The following YEATS2 variants were observed in gnomAD, a reference collection of about 807,000 sequenced individuals.
YEATS2 encodes YEATS domain containing 2, also known as YEATS domain-containing protein 2.
In YEATS2, 77 loss-of-function variants were observed where a neutral mutation model predicts 163.2. That is an observed-to-expected ratio of 0.47 (90% CI 0.39 to 0.57). YEATS2 has a LOEUF of 0.57. YEATS2 is among the 20% of genes least tolerant of loss of function. The pLI is 0.00. For missense variants in YEATS2, 1,549 were observed against 1,729.8 expected, an observed-to-expected ratio of 0.90 and a Z score of 1.85; for synonymous variants, 631 against 645.1, an observed-to-expected ratio of 0.98 and a Z score of 0.33.
intron 15 of YEATS2, among the ~76,000 whole-genome samples, chr3:183,764,357 G>C (rs1389857186): frequency 3.2e-4 from 35 of 110,784 alleles, no homozygotes; most frequent in African/African-American, 1.2e-3. Flanking sequence ...GGCAACGAGT[G>C]AAACTCTGTT....
intron 8 of YEATS2, among the ~76,000 whole-genome samples, chr3:183,741,825 ATGT>A (rs1203451117): frequency 6.6e-6 from 1 of 152,078 alleles, no homozygotes; most frequent in Non-Finnish European, 1.5e-5. Flanking sequence ...AAGGAGATTA[ATGT>A]TGTATTCATG....
In YEATS2 at chr3:183,772,553, C is replaced by T; in HGVS notation, c.2196C>T (p.Ser732=). The change falls in exon 16 of 31, where the codon TCC becomes TCT. Residue 732 remains serine (S), a synonymous_variant. Coordinates refer to ENST00000305135, the MANE Select transcript of YEATS2 (RefSeq NM_018023.5). ...CCGCTGGTCCTCAGAAGAGTGGATC[C>T]CAGGGTTCAGGTAAAACGGATCATC... ...VTAAGPQKSG[S]QGSVMATLQL... 1 of 1,613,806 alleles carries T rather than the reference C, an allele frequency of 6.2e-7. No individual in the cohort carries two copies. Among genetic ancestry groups the T allele is most frequent in the Non-Finnish European group, 8.5e-7 (1 of 1,180,008 alleles).
chr3:183,701,389 A>AAT (rs1233053541), intron 1 of YEATS2, among the ~76,000 whole-genome samples: 1 of 150,460 alleles, frequency 6.6e-6, no homozygotes, highest in Non-Finnish European at 1.5e-5. Flanking sequence ...CCGGCCGGTC[A>AAT]ATATATATAT....
chr3:183,700,306 T>G (rs1713922248), intron 1 of YEATS2, among the ~76,000 whole-genome samples: 1 of 152,166 alleles, frequency 6.6e-6, no homozygotes, highest in African/African-American at 2.4e-5. Context: ...GAATTAACAT[T>G]TAGGTTGTAG....
At chr3:183,767,160 G>A (rs1048412590) in intron 15 of YEATS2, among the ~76,000 whole-genome samples, 1 of 152,092 alleles carries the variant, frequency 6.6e-6, no homozygotes, top group Admixed American at 6.5e-5. Context: ...TCTCCCAGGC[G>A]GTGTGCACAA....
At chr3:183,754,411 T>G (rs775563614) in intron 11 of YEATS2, 46 bp downstream of exon 11, 10 of 1,546,740 alleles carry the variant, frequency 6.5e-6, no homozygotes, top group Non-Finnish European at 7.9e-6. Flanking sequence ...TGACTGGATG[T>G]TAAAATTGTT....
intron 8 of YEATS2, among the ~76,000 whole-genome samples, chr3:183,741,064 A>T (rs1718904049): frequency 6.6e-6 from 1 of 151,904 alleles, no homozygotes; most frequent in Non-Finnish European, 1.5e-5. Flanking sequence ...TCAGCCTCCC[A>T]AGTAGCTAGG....
rs1010690769 is a variant in YEATS2, at chr3:183,778,129, GA to G, written c.2736+438del. ...TCTGTCTCAAAAAAAAAAAAAAAAA[GA>G]AAAAAAAAGAAAAAATGAACAATAA... On this transcript the variant is annotated intron_variant, in intron 19 of 30. Transcript: ENST00000305135. Among the ~76,000 whole-genome samples, 397 of 126,188 alleles carry G rather than the reference GA, an allele frequency of 3.1e-3. 6 individuals are homozygous for G. The highest frequency in any genetic ancestry group is 0.023 in the Admixed American group (300 of 12,810). 82.8% of individuals were successfully genotyped at this position (126,188 alleles called of 152,430 possible).
chr3:183,777,619 A>G lies in YEATS2; in HGVS notation c.2655A>G (p.Thr885=). 1.2e-6 allele frequency: 2 copies of G among 1,614,196 alleles called. No individual in the cohort carries two copies. The highest frequency in any genetic ancestry group is 1.7e-6 in the Non-Finnish European group (2 of 1,180,042). ...CCACTGGGTCAGTGGTCCAAGGAAC[A>G]CTGGGAGTCAGCACATCTTCTGCAC... ...QLTTGSVVQG[T]LGVSTSSAQG... The change falls in exon 19 of 31, where the codon ACA becomes ACG. Residue 885 remains threonine, a synonymous_variant. Coordinates refer to ENST00000305135, the MANE Select transcript of YEATS2 (RefSeq NM_018023.5).
At chr3:183,756,835 T>A (rs996205383) in intron 12 of YEATS2, 146 bp downstream of exon 12, 5 of 720,388 alleles carry the variant, frequency 6.9e-6, no homozygotes, top group Middle Eastern at 4.5e-4. Flanking sequence ...AAGCCAATAC[T>A]CTTTCTCTGA....
chr3:183,788,921 GTCT>G (rs1724329905), intron 20 of YEATS2, among the ~76,000 whole-genome samples: 1 of 152,160 alleles, frequency 6.6e-6, no homozygotes. Context: ...CCATTTATGT[GTCT>G]TCTTTTGAGA....
Position 183,761,565 on chromosome 3 carries a change from A to G in YEATS2, c.1715A>G (p.Lys572Arg). 6.2e-7 allele frequency: 1 copy of G among 1,614,156 alleles called. No individual in the cohort carries two copies. Among genetic ancestry groups the G allele is most frequent in the Admixed American group, 1.7e-5 (1 of 60,010 alleles). The change falls in exon 14 of 31, where the codon AAG (lysine) becomes AGG (arginine). Residue 572 changes from lysine (K) to arginine (R), a missense_variant. Physicochemically the swap from Lys to Arg is conservative, Grantham distance 26. Coordinates refer to ENST00000305135, the MANE Select transcript of YEATS2 (RefSeq NM_018023.5). ...CTTTGCCCAATTGGGAGTCACCCTAAGGTTCAAAGCCCCAAACCTATAACA... is the reference window on the plus strand; with the variant it reads ...CTTTGCCCAATTGGGAGTCACCCTAGGGTTCAAAGCCCCAAACCTATAACA... Reference protein sequence around the residue: ...PPLCPIGSHPKVQSPKPITGG... With the variant: ...PPLCPIGSHPRVQSPKPITGG...
intron 10 of YEATS2, among the ~76,000 whole-genome samples, chr3:183,753,018 G>T (rs909767185): frequency 1.3e-5 from 2 of 151,844 alleles, no homozygotes; most frequent in African/African-American, 4.8e-5. Flanking sequence ...GGCTGGTCTC[G>T]AACTCATGAC....
rs1211256005 is a variant in YEATS2, at chr3:183,812,491, A to G, written c.*1908A>G. On this transcript the variant is annotated 3_prime_UTR_variant, in exon 31 of 31. Transcript: ENST00000305135. ...TTGGTTATTGCAGGTATCACAGCCT[A>G]AAGAAATTATCTTTTTGCAAAAGAA... The G allele has an allele frequency of 6.5e-6, 1 of 152,676 alleles. No homozygotes were observed. The highest frequency in any genetic ancestry group is 2.4e-5 in the African/African-American group (1 of 41,454). 9.5% of individuals were successfully genotyped at this position (152,676 alleles called of 1,614,324 possible).
chr3:183,796,148 ATTTTT>A (rs1176974770), intron 21 of YEATS2, among the ~76,000 whole-genome samples: 17 of 96,082 alleles, frequency 1.8e-4, no homozygotes, highest in African/African-American at 6.0e-4. Flanking sequence ...ATGCCCGGCT[ATTTTT>A]TTTTTTTTTT....
chr3:183,788,988 CTATA>C (rs1396355301), intron 20 of YEATS2, among the ~76,000 whole-genome samples: 1 of 152,092 alleles, frequency 6.6e-6, no homozygotes, highest in Non-Finnish European at 1.5e-5. Context: ...TGGCTTTTTT[CTATA>C]GAGTTGTTTG....
At chr3:183,730,903 C>G (rs1424006391) in intron 7 of YEATS2, among the ~76,000 whole-genome samples, 3 of 152,060 alleles carry the variant, frequency 2.0e-5, no homozygotes, top group African/African-American at 4.8e-5. Flanking sequence ...TATATAAGAG[C>G]AGTGATGGCT....
chr3:183,765,321 G>A (rs1254223187), intron 15 of YEATS2, among the ~76,000 whole-genome samples: 3 of 152,146 alleles, frequency 2.0e-5, no homozygotes, highest in Non-Finnish European at 4.4e-5. Context: ...GGATAAGTTC[G>A]TTTCCATTTT....
At position 183,772,422 on chromosome 3, in the gene YEATS2, C is replaced by G. The variant is rs766081492; in HGVS notation, c.2065C>G (p.Pro689Ala). The G allele has an allele frequency of 1.2e-5, 20 of 1,614,034 alleles. No individual in the cohort carries two copies. Among genetic ancestry groups the G allele is most frequent in the Non-Finnish European group, 1.7e-5 (20 of 1,180,032 alleles). The change falls in exon 16 of 31, where the codon CCA becomes GCA. Residue 689 changes from proline to alanine, a missense_variant. Coordinates refer to ENST00000305135, the MANE Select transcript of YEATS2 (RefSeq NM_018023.5). ...CTCTTCTGTCTCCAAAGCAGTTGGG[C>G]CAAAGCAAGTTGTAACCCAAGGAGT... ...ASSSVSKAVG[P>A]KQVVTQGVAK...
Sources: gnomAD v4.1 joint callset for allele counts (sites outside exome capture counted in the v4.1 genomes callset) on GRCh38, gnomAD v4.1.1 for gene constraint, MANE v1.5 for transcripts, NCBI Gene and HGNC (gene_info 2026-07-23, HGNC 2026-07-21) for gene names.